The following AP3B1 variants were observed in gnomAD, a reference collection of about 807,000 sequenced individuals.
AP3B1 encodes the protein AP-3 complex subunit beta-1.
Under a neutral mutation model 132.5 loss-of-function variants are expected in AP3B1, and 61 were observed. The ratio of observed to expected loss-of-function variants is 0.46; its 90% CI spans 0.37 to 0.57. The LOEUF (loss-of-function observed/expected upper bound fraction) is 0.57. Among genes scored for constraint, AP3B1 ranks in the 20% least tolerant of loss-of-function variants. The pLI, the probability that AP3B1 is intolerant of heterozygous loss-of-function variation, is 0.00. For synonymous variants in AP3B1, 388 were observed against 438.3 expected (o/e 0.89, Z 1.43); for missense variants, 1,120 against 1,289.4 (o/e 0.87, Z 2.01).
At chr5:78,169,626 C>T (rs965506883) in intron 11 of AP3B1, among the ~76,000 whole-genome samples, 9 of 152,064 alleles carry the variant, frequency 5.9e-5, no homozygotes, top group African/African-American at 2.2e-4. Flanking sequence ...CAGAGTCTCA[C>T]TATGTTGCCG....
chr5:78,280,808 C>T (rs1480252885), intron 1 of AP3B1, among the ~76,000 whole-genome samples: 1 of 152,110 alleles, frequency 6.6e-6, no homozygotes, highest in Non-Finnish European at 1.5e-5. Flanking sequence ...GTCCCTGATG[C>T]ACTTGGAAAT....
intron 19 of AP3B1, among the ~76,000 whole-genome samples, chr5:78,110,714 GTA>G (rs1554066561): frequency 1.4e-5 from 2 of 146,790 alleles, no homozygotes; most frequent in East Asian, 3.9e-4. Context: ...GTGTGTGTGT[GTA>G]TGTATGTATA....
intron 6 of AP3B1, among the ~76,000 whole-genome samples, chr5:78,222,852 C>G (rs925806712): frequency 6.6e-6 from 1 of 151,888 alleles, no homozygotes; most frequent in African/African-American, 2.4e-5. Context: ...ATATTTAACT[C>G]TAATTAAATA....
At chr5:78,014,957 C>T (rs1746796877) in intron 26 of AP3B1, among the ~76,000 whole-genome samples, 1 of 152,136 alleles carries the variant, frequency 6.6e-6, no homozygotes, top group Admixed American at 6.5e-5. Flanking sequence ...TCTAGCAGCT[C>T]TTTATTTACT....
In AP3B1 at chr5:78,015,507, C is replaced by T. The variant is rs773340562; in HGVS notation, c.3034G>A (p.Ala1012Thr). 15 of 1,612,906 alleles carry T rather than the reference C, an allele frequency of 9.3e-6. No individual in the cohort carries two copies. In the South Asian group the frequency reaches 1.6e-4, roughly 18 times the overall value. The change falls in exon 26 of 27, where the codon GCT becomes ACT. Residue 1012 changes from alanine to threonine, a missense_variant. Physicochemically the swap from Ala to Thr is moderately conservative, Grantham distance 58. Transcript: ENST00000255194. ...GMNETSAVIIAAPQNFTPSVI... is the reference protein window; with the variant it reads ...GMNETSAVIITAPQNFTPSVI... ...GAGGGAGTGAAATTCTGTGGTGCAG[C>T]AATGATTACAGCAGAAGTTTCATTC...
intron 15 of AP3B1, among the ~76,000 whole-genome samples, chr5:78,133,657 A>T (rs1752775261): frequency 6.6e-6 from 1 of 152,210 alleles, no homozygotes; most frequent in East Asian, 1.9e-4. Flanking sequence ...ACCAGATGGG[A>T]TATTAATTAA....
intron 1 of AP3B1, among the ~76,000 whole-genome samples, chr5:78,280,863 C>T (rs10068036): frequency 0.23 from 34,291 of 152,012 alleles, 4,536 homozygotes; most frequent in Middle Eastern, 0.31. Flanking sequence ...GGCAGTATTG[C>T]AGATGAAACA....
intron 9 of AP3B1, 26 bp from the exon 10 acceptor site, chr5:78,175,864 T>C: frequency 1.3e-6 from 2 of 1,546,384 alleles, no homozygotes; most frequent in Non-Finnish European, 1.8e-6. Flanking sequence ...TAATTTTTAC[T>C]GGGTATATGT....
intron 22 of AP3B1, chr5:78,042,795 CT>C: frequency 6.4e-6 from 1 of 156,596 alleles, no homozygotes. Flanking sequence ...GTTTGTTGTT[CT>C]TTTTTTCTTC....
intron 7 of AP3B1, among the ~76,000 whole-genome samples, chr5:78,213,994 A>G (rs1745859303): frequency 6.6e-6 from 1 of 152,238 alleles, no homozygotes. Flanking sequence ...TGCACAGTCT[A>G]GAGCACCCCT....
At chr5:78,106,068 G>A (rs1751319574) in intron 20 of AP3B1, among the ~76,000 whole-genome samples, 1 of 152,172 alleles carries the variant, frequency 6.6e-6, no homozygotes. Context: ...CTTTTATTTT[G>A]TGTAGTAAAT....
chr5:78,054,036 A>G (rs1336482858), intron 22 of AP3B1, among the ~76,000 whole-genome samples: 1 of 152,182 alleles, frequency 6.6e-6, no homozygotes, highest in Non-Finnish European at 1.5e-5. Context: ...CTCAATTTTC[A>G]AGTCTGTGAA....
chr5:78,118,927 T>A (rs1204266454), intron 17 of AP3B1, among the ~76,000 whole-genome samples: 1 of 152,110 alleles, frequency 6.6e-6, no homozygotes, highest in Admixed American at 6.6e-5. Flanking sequence ...CACCCCCCAG[T>A]AGGGGTAGAC....
At chr5:78,268,908 G>A (rs1182451449) in intron 1 of AP3B1, among the ~76,000 whole-genome samples, 1 of 152,150 alleles carries the variant, frequency 6.6e-6, no homozygotes, top group Non-Finnish European at 1.5e-5. Flanking sequence ...TCTCACGTAT[G>A]TCATAAGGAT....
chr5:78,151,377 G>A (rs140385438), intron 14 of AP3B1, among the ~76,000 whole-genome samples: 192 of 152,244 alleles, frequency 1.3e-3, no homozygotes, highest in East Asian at 7.5e-3. Flanking sequence ...TTGTCTGAAC[G>A]CTTGAGGTAG....
downstream of AP3B1, chr5:78,002,315 G>A (rs900857521): frequency 8.4e-5 from 25 of 297,492 alleles, no homozygotes; most frequent in African/African-American, 5.4e-4. Flanking sequence ...CATTAAAAAT[G>A]CAAAGACAAA....
At chr5:78,249,683 G>C (rs555814810) in intron 2 of AP3B1, among the ~76,000 whole-genome samples, 5 of 149,088 alleles carry the variant, frequency 3.4e-5, no homozygotes, top group African/African-American at 7.4e-5. Context: ...TCTTGGGCTC[G>C]AGTGGGCTTT....
At chr5:78,100,835 C>T in intron 21 of AP3B1, 118 bp downstream of exon 21, 1 of 633,648 alleles carries the variant, frequency 1.6e-6, no homozygotes, top group South Asian at 2.3e-5. Flanking sequence ...CCTTATTCAT[C>T]TATAAGTCTT....
chr5:78,242,413 ATT>A (rs33923471), intron 2 of AP3B1, among the ~76,000 whole-genome samples: 1 of 149,798 alleles, frequency 6.7e-6, no homozygotes, highest in African/African-American at 2.5e-5. Flanking sequence ...TTCTTTCAGA[ATT>A]TTTTTTTTTA....
Sources: gnomAD v4.1 joint callset for allele counts (sites outside exome capture counted in the v4.1 genomes callset) on GRCh38, gnomAD v4.1.1 for gene constraint, MANE v1.5 for transcripts, NCBI Gene and HGNC (gene_info 2026-07-23, HGNC 2026-07-21) for gene names.